SPAM1: variants seen among roughly 807,000 people sequenced by gnomAD.
The protein encoded by SPAM1 is sperm adhesion molecule 1.
A neutral mutation model predicts 29.6 loss-of-function variants in SPAM1; 22 were observed. The ratio of observed to expected loss-of-function variants is 0.74; its 90% confidence interval spans 0.53 to 1.06. The LOEUF is 1.06. SPAM1 is among the 50% of genes least tolerant of loss of function. The pLI is 0.00. For synonymous variants in SPAM1, 194 were observed against 204.6 expected (o/e 0.95, Z 0.44); for missense variants, 534 against 604.0 (o/e 0.88, Z 1.21).
intron 1 of SPAM1, among the ~76,000 whole-genome samples, chr7:123,935,419 T>C (rs1384921794): frequency 6.6e-6 from 1 of 152,172 alleles, no homozygotes; most frequent in Non-Finnish European, 1.5e-5. Flanking sequence ...CAGTTTAAAA[T>C]ACAAACAAAA....
intron 1 of SPAM1, among the ~76,000 whole-genome samples, chr7:123,939,536 T>C (rs1166001476): frequency 6.6e-6 from 1 of 152,190 alleles, no homozygotes; most frequent in African/African-American, 2.4e-5. Flanking sequence ...ATTTTGACTT[T>C]AAGTTTCATC....
At chr7:123,955,858 C>T (rs1175117030) in intron 4 of SPAM1, among the ~76,000 whole-genome samples, 1 of 151,264 alleles carries the variant, frequency 6.6e-6, no homozygotes, top group Non-Finnish European at 1.5e-5. Context: ...GGTATATGGC[C>T]CTTGGTAAAG....
chr7:123,948,811 T>A (rs1037584680), intron 1 of SPAM1, among the ~76,000 whole-genome samples: 21 of 152,098 alleles, frequency 1.4e-4, no homozygotes, highest in Non-Finnish European at 2.8e-4. Flanking sequence ...AATATATACA[T>A]AAACTCACAG....
chr7:123,941,795 T>C (rs1041220465), intron 1 of SPAM1, among the ~76,000 whole-genome samples: 4 of 152,334 alleles, frequency 2.6e-5, no homozygotes, highest in African/African-American at 9.6e-5. Context: ...CTTTTAAAAG[T>C]CTTTCAGGAA....
chr7:123,934,754 G>A (rs1808202596), intron 1 of SPAM1, among the ~76,000 whole-genome samples: 1 of 152,144 alleles, frequency 6.6e-6, no homozygotes, highest in African/African-American at 2.4e-5. Flanking sequence ...AATACTACAT[G>A]TTCTCACTTA....
At chr7:123,970,655 C>T (rs1041367690) in intron 6 of SPAM1, among the ~76,000 whole-genome samples, 2 of 150,548 alleles carry the variant, frequency 1.3e-5, no homozygotes, top group African/African-American at 4.9e-5. Context: ...AGAACTTCAA[C>T]ATATGAATTT....
At chr7:123,932,946 C>A (rs1270561293) in intron 1 of SPAM1, among the ~76,000 whole-genome samples, 1 of 152,054 alleles carries the variant, frequency 6.6e-6, no homozygotes, top group East Asian at 1.9e-4. Context: ...GAAAAGTAAC[C>A]TTCCTCTACT....
chr7:123,950,038 A>G (rs904422379), intron 2 of SPAM1, 55 bp downstream of exon 2: 1 of 151,980 alleles, frequency 6.6e-6, no homozygotes, highest in Non-Finnish European at 1.5e-5. Flanking sequence ...GAAGTGCTTT[A>G]AGAAGGAATT....
At chr7:123,967,957 A>G (rs1458662283) in intron 5 of SPAM1, among the ~76,000 whole-genome samples, 1 of 152,000 alleles carries the variant, frequency 6.6e-6, no homozygotes, top group Non-Finnish European at 1.5e-5. Flanking sequence ...AGGGATAGAG[A>G]GAAAAGGATA....
chr7:123,940,223 A>G (rs1808389117), intron 1 of SPAM1, among the ~76,000 whole-genome samples: 1 of 152,058 alleles, frequency 6.6e-6, no homozygotes, highest in African/African-American at 2.4e-5. Context: ...TATCAAGTTC[A>G]TTTATATAAT....
chr7:123,964,067 G>T (rs569750555), downstream of SPAM1, among the ~76,000 whole-genome samples: 1 of 148,982 alleles, frequency 6.7e-6, no homozygotes, highest in African/African-American at 2.5e-5. Context: ...TAAGTAAAAT[G>T]TATTTATAAC....
intron 1 of SPAM1, among the ~76,000 whole-genome samples, chr7:123,945,048 G>A (rs1808533743): frequency 1.3e-5 from 2 of 151,648 alleles, no homozygotes; most frequent in Admixed American, 1.3e-4. Context: ...CATTGGGCAT[G>A]GTTGTCCTGA....
At chr7:123,953,340 A>T in intron 2 of SPAM1, 25 bp from the exon 3 acceptor site, 1 of 414,370 alleles carries the variant, frequency 2.4e-6, no homozygotes, top group Non-Finnish European at 4.2e-6. Flanking sequence ...GCATCATAAC[A>T]ATGTATTCTG....
intron 5 of SPAM1, among the ~76,000 whole-genome samples, chr7:123,967,351 AG>A (rs1411634417): frequency 6.6e-6 from 1 of 152,078 alleles, no homozygotes; most frequent in African/African-American, 2.4e-5. Context: ...ATTGTCTGCA[AG>A]TTCTTCTGTG....
intron 1 of SPAM1, chr7:123,932,180 C>G (rs538955317): frequency 1.3e-5 from 2 of 152,344 alleles, no homozygotes; most frequent in African/African-American, 4.8e-5. Flanking sequence ...TGGGGTCAGT[C>G]CAATCCCAAA....
At chr7:123,943,701 G>A (rs574023433) in intron 1 of SPAM1, among the ~76,000 whole-genome samples, 2 of 152,098 alleles carry the variant, frequency 1.3e-5, no homozygotes, top group Admixed American at 6.5e-5. Flanking sequence ...TTTGATTTTG[G>A]AAAGTGTTTC....
chr7:123,971,022 T>C (rs1792491983), exon 7 of SPAM1: 1 of 152,058 alleles, frequency 6.6e-6, no homozygotes, highest in Admixed American at 6.6e-5. Flanking sequence ...GAAAAAACCA[T>C]GACTATCATC....
intron 4 of SPAM1, among the ~76,000 whole-genome samples, 200 bp from the exon 5 acceptor site, chr7:123,959,284 A>C (rs1233356837): frequency 6.6e-6 from 1 of 152,068 alleles, no homozygotes; most frequent in South Asian, 2.1e-4. Flanking sequence ...AGTGGAATGA[A>C]GTGGCATGTG....
downstream of SPAM1, among the ~76,000 whole-genome samples, chr7:123,962,750 A>G: frequency 6.6e-6 from 1 of 151,898 alleles, no homozygotes; most frequent in East Asian, 1.9e-4. Context: ...GAAAACTAGA[A>G]GTTTCCTTGT....
Sources: allele counts gnomAD v4.1 joint callset (sites outside exome capture counted in the v4.1 genomes callset), GRCh38; gene constraint gnomAD v4.1.1; transcripts MANE v1.5; gene names NCBI Gene and HGNC (gene_info 2026-07-23, HGNC 2026-07-21).